The following ZMYM2 variants were observed in gnomAD, a reference collection of about 807,000 sequenced individuals.
ZMYM2 encodes the protein zinc finger MYM-type protein 2.
ZMYM2 carries 56 observed loss-of-function variants against 162.8 expected under a neutral mutation model. The ratio of observed to expected loss-of-function variants is 0.34; its 90% CI spans 0.28 to 0.43. The LOEUF is 0.43. ZMYM2 is among the 20% of genes least tolerant of loss of function. ZMYM2 has a pLI of 1.00. For missense variants in ZMYM2, 1,275 were observed against 1,621.8 expected (o/e 0.79, Z 3.67); for synonymous variants, 510 against 541.6 (o/e 0.94, Z 0.81).
the ZMYM2 span, among the ~76,000 whole-genome samples, chr13:19,917,401 C>T: frequency 6.6e-6 from 1 of 151,820 alleles, no homozygotes; most frequent in Non-Finnish European, 1.5e-5. Flanking sequence ...CCAGCCTGGC[C>T]GATATGATGA....
intron 12 of ZMYM2, among the ~76,000 whole-genome samples, chr13:20,050,991 A>G (rs1955274072): frequency 1.3e-5 from 2 of 152,192 alleles, no homozygotes; most frequent in South Asian, 4.1e-4. Context: ...TAACATCCAT[A>G]AATTTCCCAT....
intron 12 of ZMYM2, among the ~76,000 whole-genome samples, chr13:20,044,450 C>T (rs1324466524): frequency 6.6e-6 from 1 of 152,206 alleles, no homozygotes; most frequent in African/African-American, 2.4e-5. Context: ...TTCTCTCTGT[C>T]TTCCCTCCTC....
At chr13:19,924,421 A>T in the ZMYM2 span, among the ~76,000 whole-genome samples, 1 of 152,078 alleles carries the variant, frequency 6.6e-6, no homozygotes, top group African/African-American at 2.4e-5. Flanking sequence ...TCTAAAAATT[A>T]GCTGGGTGTG....
chr13:19,916,246 G>A, the ZMYM2 span, among the ~76,000 whole-genome samples: 5 of 152,056 alleles, frequency 3.3e-5, no homozygotes, highest in Non-Finnish European at 7.4e-5. Context: ...AAATAGGAAC[G>A]CTTTTACACT....
In ZMYM2 at chr13:19,968,150, T is replaced by G. The variant is rs572569343; in HGVS notation, c.-11+8124T>G. Among the ~76,000 whole-genome samples the G allele has an allele frequency of 4.6e-5, 7 of 152,324 alleles. No individual in the cohort carries two copies. The East Asian group carries it at 5.8e-4, about 13-fold the overall frequency. ...CTAATTGCCAAATCTTTTAACTGCT[T>G]CTTTTTGTCTTAATTCTGTAACATT... On this transcript the variant is annotated intron_variant, in intron 2 of 24. Coordinates refer to ENST00000610343, the MANE Select transcript of ZMYM2 (RefSeq NM_197968.4).
At chr13:20,066,519 T>C (rs1018182192) in intron 19 of ZMYM2, 1 of 190,764 alleles carries the variant, frequency 5.2e-6, no homozygotes, top group Non-Finnish European at 1.1e-5. Flanking sequence ...CTAGAGAAAA[T>C]GTTATCAAGA....
chr13:19,936,222 A>C, the ZMYM2 span, among the ~76,000 whole-genome samples: 1 of 152,126 alleles, frequency 6.6e-6, no homozygotes, highest in Non-Finnish European at 1.5e-5. Context: ...ACTTTTCCAG[A>C]ATTAAAGGTC....
chr13:19,883,762 A>G, the ZMYM2 span, among the ~76,000 whole-genome samples: 1 of 152,070 alleles, frequency 6.6e-6, no homozygotes, highest in African/African-American at 2.4e-5. Context: ...ATATATATAT[A>G]TATTTTTTTG....
chr13:19,965,549 G>A (rs1032522715), intron 2 of ZMYM2, among the ~76,000 whole-genome samples: 1 of 152,168 alleles, frequency 6.6e-6, no homozygotes, highest in African/African-American at 2.4e-5. Flanking sequence ...TGGGCTAGCA[G>A]TTTCTTTGGC....
upstream of ZMYM2, among the ~76,000 whole-genome samples, chr13:19,955,163 A>C (rs1228570767): frequency 1.4e-5 from 2 of 148,120 alleles, no homozygotes; most frequent in African/African-American, 2.5e-5. Flanking sequence ...TATTATTATT[A>C]TTATTTGGAT....
At chr13:19,960,803 A>G (rs1955125592) in intron 2 of ZMYM2, among the ~76,000 whole-genome samples, 1 of 152,244 alleles carries the variant, frequency 6.6e-6, no homozygotes, top group Non-Finnish European at 1.5e-5. Flanking sequence ...AAGTATCTGA[A>G]GTCAGCACTC....
At chr13:19,965,755 AT>A (rs1201818048) in intron 2 of ZMYM2, among the ~76,000 whole-genome samples, 1 of 144,312 alleles carries the variant, frequency 6.9e-6, no homozygotes, top group Non-Finnish European at 1.5e-5. Flanking sequence ...TCTGGCCCTG[AT>A]ATGGTATCTG....
At chr13:19,960,376 A>G (rs1374470183) in intron 2 of ZMYM2, among the ~76,000 whole-genome samples, 2 of 152,222 alleles carry the variant, frequency 1.3e-5, no homozygotes, top group African/African-American at 4.8e-5. Flanking sequence ...TTTCTTGTTG[A>G]ATGCTGTGCA....
chr13:19,952,702 T>C, the ZMYM2 span, among the ~76,000 whole-genome samples: 4 of 151,544 alleles, frequency 2.6e-5, no homozygotes, highest in Non-Finnish European at 5.9e-5. Context: ...ACTGGAAAAA[T>C]GATATGGGGT....
the ZMYM2 span, among the ~76,000 whole-genome samples, chr13:19,951,317 A>G: frequency 7.2e-4 from 110 of 152,268 alleles, no homozygotes; most frequent in Middle Eastern, 3.4e-3. Context: ...TTTATTTACA[A>G]ACCATATGTC....
At chr13:20,013,960 T>C (rs1951403096) in intron 6 of ZMYM2, among the ~76,000 whole-genome samples, 1 of 152,188 alleles carries the variant, frequency 6.6e-6, no homozygotes, top group East Asian at 1.9e-4. Flanking sequence ...GGGTGAGACA[T>C]CTTGTATCTT....
At chr13:19,890,018 A>G in the ZMYM2 span, among the ~76,000 whole-genome samples, 1 of 151,900 alleles carries the variant, frequency 6.6e-6, no homozygotes, top group Non-Finnish European at 1.5e-5. Flanking sequence ...ACACAGGACT[A>G]CACCTCAAAC....
intron 7 of ZMYM2, chr13:20,025,999 G>T (rs1349079951): frequency 6.6e-6 from 1 of 152,108 alleles, no homozygotes; most frequent in Non-Finnish European, 1.5e-5. Context: ...ATCTATTGAT[G>T]AATTATTTAC....
the ZMYM2 span, among the ~76,000 whole-genome samples, chr13:19,874,601 C>A: frequency 6.6e-6 from 1 of 152,180 alleles, no homozygotes; most frequent in Non-Finnish European, 1.5e-5. Flanking sequence ...CTCTTGGCAT[C>A]CCTCTTGTAG....
Sources: gnomAD v4.1 joint callset for allele counts (sites outside exome capture counted in the v4.1 genomes callset) on GRCh38, gnomAD v4.1.1 for gene constraint, MANE v1.5 for transcripts, NCBI Gene and HGNC (gene_info 2026-07-23, HGNC 2026-07-21) for gene names.